The following CD72 variants were observed in gnomAD, a reference collection of about 807,000 sequenced individuals.
CD72 encodes B-cell differentiation antigen CD72.
Under a neutral mutation model 50.7 loss-of-function variants are expected in CD72, and 28 were observed. The observed-to-expected ratio is 0.55, with a 90% CI of 0.41 to 0.76. The LOEUF (loss-of-function observed/expected upper bound fraction) is 0.76. Ranked by LOEUF, CD72 falls within the 30% of genes least tolerant of loss-of-function variation. The pLI is 0.00. For missense variants in CD72, 403 were observed against 420.6 expected (o/e 0.96, Z 0.37); for synonymous variants, 176 against 171.2 (o/e 1.03, Z -0.22).
intron 1 of CD72, among the ~76,000 whole-genome samples, chr9:35,634,455 C>G (rs143078398): frequency 6.6e-6 from 1 of 152,146 alleles, no homozygotes; most frequent in Non-Finnish European, 1.5e-5. Context: ...TGGGTTCAAG[C>G]GATTCTCCTG....
chr9:35,615,860 G>T, intron 5 of CD72, 83 bp downstream of exon 5: 1 of 1,105,894 alleles, frequency 9.0e-7, no homozygotes, highest in Non-Finnish European at 1.3e-6. Flanking sequence ...CACCTCACAG[G>T]CCCCTGGGTG....
intron 8 of CD72, 63 bp downstream of exon 8, chr9:35,610,539 T>C (rs72725092): frequency 1.6e-5 from 5 of 307,176 alleles, no homozygotes; most frequent in African/African-American, 1.1e-4. Flanking sequence ...CTGCTCTGAG[T>C]CCCTGCTCTG....
chr9:35,628,912 T>C (rs149427381), intron 1 of CD72, among the ~76,000 whole-genome samples: 5,495 of 152,302 alleles, frequency 0.036, 105 homozygotes, highest in Non-Finnish European at 0.044. Context: ...TCTTGCTCTG[T>C]TGCCCAGGCT....
chr9:35,615,859 G>A, intron 5 of CD72, 84 bp downstream of exon 5: 1 of 1,104,678 alleles, frequency 9.1e-7, no homozygotes, highest in East Asian at 2.4e-5. Flanking sequence ...ACACCTCACA[G>A]GCCCCTGGGT....
intron 1 of CD72, among the ~76,000 whole-genome samples, chr9:35,627,856 G>A (rs2131779503): frequency 6.6e-6 from 1 of 151,688 alleles, no homozygotes; most frequent in East Asian, 1.9e-4. Flanking sequence ...TTTAATCAGA[G>A]TCAGCGTCTC....
intron 1 of CD72, among the ~76,000 whole-genome samples, chr9:35,634,642 C>G (rs138976781): frequency 6.6e-6 from 1 of 152,192 alleles, no homozygotes; most frequent in African/African-American, 2.4e-5. Flanking sequence ...CGTGAGCCAC[C>G]GCGGCTGGCC....
At chr9:35,625,881 A>G (rs928962592) in intron 1 of CD72, among the ~76,000 whole-genome samples, 2 of 152,144 alleles carry the variant, frequency 1.3e-5, no homozygotes, top group Non-Finnish European at 2.9e-5. Context: ...TAAGCCCACC[A>G]TTGACACCTA....
rs1395670620 is a variant in CD72 at position 35,610,097 on chromosome 9, G to T, written c.*226C>A. The T allele has an allele frequency of 3.9e-6, 1 of 256,124 alleles. No homozygotes were observed. The highest frequency in any genetic ancestry group is 2.2e-5 in the African/African-American group (1 of 44,604). 15.9% of individuals were successfully genotyped at this position (256,124 alleles called of 1,614,324 possible). Reference sequence around the variant, plus strand: ...TACCATGGGAAGTTCTTGGGGGGAGGCCAAAGTCCCTTCTAGAGGTGGCTT... The same window carrying T: ...TACCATGGGAAGTTCTTGGGGGGAGTCCAAAGTCCCTTCTAGAGGTGGCTT... On this transcript the variant is annotated 3_prime_UTR_variant, in exon 9 of 9. Transcript: ENST00000259633.
intron 1 of CD72, among the ~76,000 whole-genome samples, chr9:35,629,280 G>C (rs1254369578): frequency 3.9e-5 from 6 of 152,096 alleles, no homozygotes; most frequent in African/African-American, 1.2e-4. Flanking sequence ...ACTGAGGTTA[G>C]AATCCTTTGT....
chr9:35,611,095 C>T (rs1281112232), intron 7 of CD72, among the ~76,000 whole-genome samples: 1 of 152,144 alleles, frequency 6.6e-6, no homozygotes, highest in African/African-American at 2.4e-5. Context: ...ACTAAAAATA[C>T]AAAAAATTAG....
At chr9:35,634,880 C>T (rs1587908491) in intron 1 of CD72, among the ~76,000 whole-genome samples, 1 of 152,198 alleles carries the variant, frequency 6.6e-6, no homozygotes, top group East Asian at 1.9e-4. Flanking sequence ...CATAAACAGA[C>T]ATGGTTCGTT....
At chr9:35,628,532 C>T (rs1823217002) in intron 1 of CD72, among the ~76,000 whole-genome samples, 2 of 152,238 alleles carry the variant, frequency 1.3e-5, no homozygotes, top group Non-Finnish European at 2.9e-5. Context: ...GAGTGATGCT[C>T]GCTGCTCGGC....
At chr9:35,617,733 G>C (rs932224843) in intron 2 of CD72, among the ~76,000 whole-genome samples, 1 of 152,080 alleles carries the variant, frequency 6.6e-6, no homozygotes, top group African/African-American at 2.4e-5. Context: ...TGTTTCCTAA[G>C]AACCGCCCTC....
At chr9:35,627,421 C>T (rs539644368) in intron 1 of CD72, among the ~76,000 whole-genome samples, 1 of 151,484 alleles carries the variant, frequency 6.6e-6, no homozygotes, top group Non-Finnish European at 1.5e-5. Flanking sequence ...AGAGCCACTG[C>T]GCCCGGCTAA....
chr9:35,616,478 A>G, intron 4 of CD72, 122 bp downstream of exon 4: 1 of 952,512 alleles, frequency 1.0e-6, no homozygotes, highest in Middle Eastern at 2.1e-4. Flanking sequence ...CTGGAAACCA[A>G]ACCCAAAGCT....
At chr9:35,612,621 T>A (rs985959982) in intron 6 of CD72, among the ~76,000 whole-genome samples, 2 of 152,068 alleles carry the variant, frequency 1.3e-5, no homozygotes, top group African/African-American at 4.8e-5. Context: ...AAGTTTCCAT[T>A]CTCATGCCAA....
chr9:35,633,071 C>T (rs1823260803), intron 1 of CD72, among the ~76,000 whole-genome samples: 2 of 151,436 alleles, frequency 1.3e-5, no homozygotes, highest in South Asian at 4.1e-4. Context: ...GCTGGGACTA[C>T]AGGCGTACAC....
At chr9:35,636,673 G>A (rs187107094) in intron 1 of CD72, among the ~76,000 whole-genome samples, 18 of 152,294 alleles carry the variant, frequency 1.2e-4, no homozygotes, top group African/African-American at 2.2e-4. Flanking sequence ...CTTTCTGGCC[G>A]GGCGCAGTGC....
At chr9:35,616,323 C>A in intron 4 of CD72, 45 bp from the exon 5 acceptor site, 1 of 1,473,072 alleles carries the variant, frequency 6.8e-7, no homozygotes, top group Non-Finnish European at 9.3e-7. Context: ...CCAGCCCTGC[C>A]CTAGTGCCCT....
Sources: gnomAD v4.1 joint callset for allele counts (sites outside exome capture counted in the v4.1 genomes callset) on GRCh38, gnomAD v4.1.1 for gene constraint, MANE v1.5 for transcripts, NCBI Gene and HGNC (gene_info 2026-07-23, HGNC 2026-07-21) for gene names.